The following BARX2 variants were observed in gnomAD, a reference collection of about 807,000 sequenced individuals.
BARX2 encodes BARX homeobox 2.
Under a neutral mutation model 25.5 loss-of-function variants are expected in BARX2, and 11 were observed. The observed-to-expected ratio is 0.43, with a 90% confidence interval of 0.27 to 0.71. The LOEUF (loss-of-function observed/expected upper bound fraction) is 0.71, where lower values mean the gene tolerates loss of function less well. BARX2 is among the 30% of genes least tolerant of loss of function. BARX2 has a pLI of 0.19. For missense variants in BARX2, 360 were observed against 359.9 expected (o/e 1.00, Z 0.00); for synonymous variants, 137 against 149.5 (o/e 0.92, Z 0.61).
At chr11:129,402,703 G>A (rs1222823366) in intron 1 of BARX2, among the ~76,000 whole-genome samples, 2 of 152,178 alleles carry the variant, frequency 1.3e-5, no homozygotes. Flanking sequence ...TTAACTGGTT[G>A]GTTAACTCTC....
chr11:129,432,869 C>G (rs1050969275), intron 1 of BARX2, among the ~76,000 whole-genome samples: 1 of 152,180 alleles, frequency 6.6e-6, no homozygotes. Context: ...TTTCCTACTG[C>G]TTCTCTGTCC....
At chr11:129,425,697 A>C (rs1862055086) in intron 1 of BARX2, among the ~76,000 whole-genome samples, 1 of 152,186 alleles carries the variant, frequency 6.6e-6, no homozygotes, top group Non-Finnish European at 1.5e-5. Flanking sequence ...TAAGGTGATA[A>C]GACTTGGCTT....
chr11:129,428,685 C>CA (rs1035262658), intron 1 of BARX2, among the ~76,000 whole-genome samples: 1 of 152,204 alleles, frequency 6.6e-6, no homozygotes. Context: ...GTAGCACACA[C>CA]ATTACCCACC....
At chr11:129,444,889 G>A (rs947152148) in intron 3 of BARX2, among the ~76,000 whole-genome samples, 2 of 151,952 alleles carry the variant, frequency 1.3e-5, no homozygotes, top group East Asian at 3.9e-4. Flanking sequence ...TAATCCCAGC[G>A]ACTTGGGAGG....
chr11:129,402,370 A>G (rs923959147), intron 1 of BARX2, among the ~76,000 whole-genome samples: 1 of 152,226 alleles, frequency 6.6e-6, no homozygotes, highest in Non-Finnish European at 1.5e-5. Flanking sequence ...ATGATGACTA[A>G]AAGACAAAGT....
intron 1 of BARX2, among the ~76,000 whole-genome samples, chr11:129,409,557 TC>T (rs1331106433): frequency 1.3e-5 from 2 of 152,214 alleles, no homozygotes; most frequent in African/African-American, 4.8e-5. Flanking sequence ...ATAATTGCTG[TC>T]CATTCACCAT....
intron 2 of BARX2, among the ~76,000 whole-genome samples, chr11:129,439,030 G>A (rs760138627): frequency 6.6e-6 from 1 of 152,204 alleles, no homozygotes; most frequent in Admixed American, 6.5e-5. Flanking sequence ...CAGGCAAATG[G>A]TGGACCTCGT....
At chr11:129,405,206 A>G (rs1297425759) in intron 1 of BARX2, among the ~76,000 whole-genome samples, 2 of 152,158 alleles carry the variant, frequency 1.3e-5, no homozygotes, top group Non-Finnish European at 2.9e-5. Context: ...CTACAGCACA[A>G]TAAAATAACT....
At chr11:129,387,051 A>AG (rs1861622912) in intron 1 of BARX2, among the ~76,000 whole-genome samples, 1 of 152,208 alleles carries the variant, frequency 6.6e-6, no homozygotes, top group Non-Finnish European at 1.5e-5. Context: ...TTTCATTACC[A>AG]GGGTTCAGAC....
chr11:129,392,217 C>A lies in BARX2; in HGVS notation c.187+15995C>A, dbSNP rs370274800. Among the ~76,000 whole-genome samples, 7 of 152,206 alleles carry A rather than the reference C, an allele frequency of 4.6e-5. No individual in the cohort carries two copies. The East Asian group carries it at 5.8e-4, about 13-fold the overall frequency. ...GCCCTTGGGTCAGGGTGAGGCTTTG[C>A]GTCTCCAAGGTAGCCTTTGAGCTAA... is the stretch of plus-strand genomic sequence containing the variant. On this transcript the variant is annotated intron_variant, in intron 1 of 3. Transcript: ENST00000281437.
At chr11:129,415,811 T>G (rs1235637463) in intron 1 of BARX2, among the ~76,000 whole-genome samples, 2 of 152,254 alleles carry the variant, frequency 1.3e-5, no homozygotes, top group Non-Finnish European at 2.9e-5. Context: ...AACATTCCAC[T>G]TTAAGTCTAA....
intron 1 of BARX2, among the ~76,000 whole-genome samples, chr11:129,382,234 A>ACT (rs1861572621): frequency 6.6e-6 from 1 of 152,116 alleles, no homozygotes; most frequent in Non-Finnish European, 1.5e-5. Flanking sequence ...GCTGGAGTGC[A>ACT]GTGGGGCGAT....
intron 1 of BARX2, among the ~76,000 whole-genome samples, chr11:129,411,094 G>T (rs73024979): frequency 0.066 from 10,067 of 152,144 alleles, 461 homozygotes; most frequent in Middle Eastern, 0.11. Context: ...AGAGTGGGCC[G>T]GGCCCAGTGG....
intron 1 of BARX2, among the ~76,000 whole-genome samples, chr11:129,382,075 A>G (rs1861570733): frequency 6.6e-6 from 1 of 152,236 alleles, no homozygotes; most frequent in African/African-American, 2.4e-5. Flanking sequence ...ACCAGAAGCA[A>G]TTTTAGGTGT....
rs1861657767 is a variant in BARX2, at chr11:129,390,708, T to C, written c.187+14486T>C. Among the ~76,000 whole-genome samples, 1 of 152,204 alleles carries C rather than the reference T, an allele frequency of 6.6e-6. No homozygotes were observed. Among genetic ancestry groups the C allele is most frequent in the African/African-American group, 2.4e-5 (1 of 41,442 alleles). ...AATGGCCCTGTGAGTACGTGCTTAT[T>C]TTCAGAGGCGTTCCCCATAACTGAC... On this transcript the variant is annotated intron_variant, in intron 1 of 3. Transcript: ENST00000281437. This position sits in a 1 kb window ranked among gnomAD's most constrained non-coding sequence, Gnocchi z 4.3.
rs1417686026 is a variant in BARX2 at position 129,390,167 on chromosome 11, G to A, written c.187+13945G>A. 7.2e-5 allele frequency among the ~76,000 whole-genome samples: 11 copies of A among 152,154 alleles called. No individual in the cohort carries two copies. The highest frequency in any genetic ancestry group is 2.6e-4 in the Admixed American group (4 of 15,274). On this transcript the variant is annotated intron_variant, in intron 1 of 3. Coordinates refer to ENST00000281437, the MANE Select transcript of BARX2 (RefSeq NM_003658.5). The surrounding 1 kb of genome is among the most constrained non-coding windows in gnomAD (Gnocchi z 4.3). ...TCACCTTCTATGGTGCAAAGGCATC[G>A]CCAGTGAACAGGGTGATGCCTCTGT...
chr11:129,433,874 A>G (rs1427740330), intron 1 of BARX2, among the ~76,000 whole-genome samples: 1 of 152,128 alleles, frequency 6.6e-6, no homozygotes, highest in Non-Finnish European at 1.5e-5. Context: ...TGCCTCCCCA[A>G]ATGGATGTAA....
chr11:129,377,503 C>A (rs1056939189), intron 1 of BARX2, among the ~76,000 whole-genome samples: 1 of 152,122 alleles, frequency 6.6e-6, no homozygotes, highest in Non-Finnish European at 1.5e-5. Context: ...CCATAACAAG[C>A]CTTGTAATAC....
chr11:129,449,001 A>C (rs1862363153), intron 3 of BARX2, among the ~76,000 whole-genome samples: 1 of 152,234 alleles, frequency 6.6e-6, no homozygotes, highest in South Asian at 2.1e-4. Context: ...TAGAGACAGA[A>C]AGCAGACTAG....
Sources: allele counts gnomAD v4.1 joint callset (sites outside exome capture counted in the v4.1 genomes callset), GRCh38; gene constraint gnomAD v4.1.1; non-coding constraint Gnocchi (gnomAD v3.1); transcripts MANE v1.5; gene names NCBI Gene and HGNC (gene_info 2026-07-23, HGNC 2026-07-21).